ZNF804B: variants seen among roughly 807,000 people sequenced by gnomAD.
The protein encoded by ZNF804B is zinc finger protein 804B.
ZNF804B carries 80 observed loss-of-function variants against 101.4 expected under a neutral mutation model. That is an observed-to-expected ratio of 0.79 (90% CI 0.66 to 0.95). ZNF804B has a LOEUF of 0.95. ZNF804B is among the 40% of genes least tolerant of loss of function. The probability of loss-of-function intolerance (pLI) is 0.00; values close to 1 mark genes in which losing one functional copy is unlikely to be tolerated. For missense variants in ZNF804B, 1,673 were observed against 1,561.9 expected (o/e 1.07, Z -1.20); for synonymous variants, 622 against 558.8 (o/e 1.11, Z -1.59).
At chr7:89,189,409 A>G (rs994215802) in intron 1 of ZNF804B, among the ~76,000 whole-genome samples, 5 of 152,170 alleles carry the variant, frequency 3.3e-5, no homozygotes, top group Admixed American at 3.3e-4. Flanking sequence ...GTTTACTTGA[A>G]CCAAGATGAG....
chr7:89,076,190 G>A (rs985885471), intron 1 of ZNF804B, among the ~76,000 whole-genome samples: 3 of 152,140 alleles, frequency 2.0e-5, no homozygotes, highest in African/African-American at 4.8e-5. Context: ...GAAGACATGG[G>A]ATTTGGAAGG....
intron 1 of ZNF804B, among the ~76,000 whole-genome samples, chr7:88,820,496 A>G (rs899772051): frequency 1.3e-5 from 2 of 152,304 alleles, no homozygotes; most frequent in African/African-American, 4.8e-5. Flanking sequence ...CCTTTCTCAT[A>G]GGAACGTTGT....
chr7:89,244,492 C>T (rs1203020620), intron 2 of ZNF804B, among the ~76,000 whole-genome samples: 1 of 151,928 alleles, frequency 6.6e-6, no homozygotes, highest in Admixed American at 6.6e-5. Flanking sequence ...AGTAAAAATC[C>T]ATTGCTGAAA....
intron 1 of ZNF804B, among the ~76,000 whole-genome samples, chr7:88,772,751 G>A (rs146998765): frequency 1.1e-4 from 16 of 152,270 alleles, no homozygotes; most frequent in South Asian, 1.0e-3. Context: ...TCTTACTCCC[G>A]TGTTTGGAAA....
At chr7:89,245,065 C>T (rs1450263239) in intron 2 of ZNF804B, among the ~76,000 whole-genome samples, 2 of 152,010 alleles carry the variant, frequency 1.3e-5, no homozygotes, top group South Asian at 2.1e-4. Flanking sequence ...CAAAGTGCAA[C>T]AGGAATAAGG....
At chr7:89,209,957 T>C (rs1043608977) in intron 1 of ZNF804B, among the ~76,000 whole-genome samples, 1 of 152,060 alleles carries the variant, frequency 6.6e-6, no homozygotes, top group Non-Finnish European at 1.5e-5. Context: ...TAGAACAGCC[T>C]GGTCAACATG....
At chr7:88,781,624 C>G (rs189676930) in intron 1 of ZNF804B, among the ~76,000 whole-genome samples, 2 of 152,220 alleles carry the variant, frequency 1.3e-5, no homozygotes, top group East Asian at 3.9e-4. Context: ...TGATAATTTT[C>G]TTATATCATT....
At chr7:88,865,264 GCTTACACCCATTATCTCAGCA>G (rs1791710177) in intron 1 of ZNF804B, among the ~76,000 whole-genome samples, 1 of 151,496 alleles carries the variant, frequency 6.6e-6, no homozygotes, top group Non-Finnish European at 1.5e-5. Context: ...AGTTACGGTG[GCTTACACCCATTATCTCAGCA>G]CTTTGGGAGG....
At chr7:89,232,875 G>GAT (rs975180610) in intron 2 of ZNF804B, among the ~76,000 whole-genome samples, 43 of 151,754 alleles carry the variant, frequency 2.8e-4, no homozygotes, top group African/African-American at 1.0e-3. Flanking sequence ...TTTCTCTTTT[G>GAT]ATATGTATAA....
intron 1 of ZNF804B, among the ~76,000 whole-genome samples, chr7:88,764,871 C>A (rs1789957251): frequency 6.6e-6 from 1 of 152,114 alleles, no homozygotes; most frequent in African/African-American, 2.4e-5. Flanking sequence ...ATAATACTAC[C>A]TTTCATGTTG....
intron 1 of ZNF804B, among the ~76,000 whole-genome samples, chr7:89,156,538 A>C (rs1790978908): frequency 6.6e-6 from 1 of 152,220 alleles, no homozygotes; most frequent in African/African-American, 2.4e-5. Context: ...TGGAAATAAT[A>C]TAGAACTCTG....
At chr7:89,205,496 T>C (rs149144947) in intron 1 of ZNF804B, among the ~76,000 whole-genome samples, 2,426 of 152,276 alleles carry the variant, frequency 0.016, 53 homozygotes, top group African/African-American at 0.055. Flanking sequence ...AATACATTCA[T>C]TCCAAATGGG....
rs765967554 is a variant in ZNF804B at position 88,992,195 on chromosome 7, TG to T, written c.109-225958del. 3.2e-4 allele frequency among the ~76,000 whole-genome samples: 49 copies of T among 152,132 alleles called. 1 individual carries two copies. The highest frequency in any genetic ancestry group is 5.9e-4 in the Admixed American group (9 of 15,256). ...TCAGTCTCTCTCTCTTCCAAAAGTG[TG>T]GTTTAAGGCAGATTATGTTGCTTTA... On this transcript the variant is annotated intron_variant, in intron 1 of 3. Coordinates refer to ENST00000333190, the MANE Select transcript of ZNF804B (RefSeq NM_181646.5).
chr7:88,802,342 G>A (rs1790604907), intron 1 of ZNF804B, among the ~76,000 whole-genome samples: 1 of 152,000 alleles, frequency 6.6e-6, no homozygotes. Flanking sequence ...AAGAAACTGG[G>A]TCCTAGAAGC....
rs568754116 is a variant in ZNF804B at position 89,106,349 on chromosome 7, T to G, written c.109-111806T>G. Among the ~76,000 whole-genome samples the G allele has an allele frequency of 1.3e-3, 202 of 152,274 alleles. 2 individuals are homozygous for G. Among genetic ancestry groups the G allele is most frequent in the African/African-American group, 4.7e-3 (197 of 41,576 alleles). On this transcript the variant is annotated intron_variant, in intron 1 of 3. Transcript: ENST00000333190. ...TTTACATATTTAAAGGAGTTTTTTATACTTTAAAAGATTGGGCACCAGTGT... is the reference window on the plus strand; with the variant it reads ...TTTACATATTTAAAGGAGTTTTTTAGACTTTAAAAGATTGGGCACCAGTGT...
At chr7:89,291,851 G>A (rs899953377) in intron 2 of ZNF804B, among the ~76,000 whole-genome samples, 2 of 151,966 alleles carry the variant, frequency 1.3e-5, no homozygotes, top group African/African-American at 4.8e-5. Context: ...AACTCCCAAA[G>A]GTCAAGGATA....
intron 1 of ZNF804B, among the ~76,000 whole-genome samples, chr7:89,115,785 C>G (rs1045484107): frequency 2.0e-5 from 3 of 152,054 alleles, no homozygotes; most frequent in Admixed American, 1.3e-4. Flanking sequence ...TAGTTTTTAG[C>G]CTATTGCAAA....
chr7:89,121,357 AATACCTAGC>A (rs1790403782), intron 1 of ZNF804B, among the ~76,000 whole-genome samples: 2 of 150,480 alleles, frequency 1.3e-5, no homozygotes, highest in African/African-American at 4.8e-5. Flanking sequence ...AGTATGGTGA[AATACCTAGC>A]ATATTTGACA....
chr7:89,304,805 A>G (rs801814), intron 2 of ZNF804B, among the ~76,000 whole-genome samples: 5,847 of 152,008 alleles, frequency 0.038, 171 homozygotes, highest in African/African-American at 0.077. Flanking sequence ...CCCACTGGCT[A>G]CTGATTTATA....
Sources: gnomAD v4.1 joint callset for allele counts (sites outside exome capture counted in the v4.1 genomes callset) on GRCh38, gnomAD v4.1.1 for gene constraint, MANE v1.5 for transcripts, NCBI Gene and HGNC (gene_info 2026-07-23, HGNC 2026-07-21) for gene names.